The following B4GALT5 variants were observed in gnomAD, a reference collection of about 807,000 sequenced individuals.
The protein encoded by B4GALT5 is UDP-Gal:beta-GlcNAc beta-1,4-galactosyltransferase 5.
A neutral mutation model predicts 45.0 loss-of-function variants in B4GALT5; 11 were observed. That is an observed-to-expected ratio of 0.24 (90% CI 0.15 to 0.40). The LOEUF (loss-of-function observed/expected upper bound fraction) is 0.40. Among genes scored for constraint, B4GALT5 ranks in the 10% least tolerant of loss-of-function variants. The probability of loss-of-function intolerance (pLI) is 1.00; values close to 1 mark genes in which losing one functional copy is unlikely to be tolerated. For synonymous variants in B4GALT5, 185 were observed against 182.9 expected, an observed-to-expected ratio of 1.01 and a Z score of -0.09; for missense variants, 337 against 500.2, an observed-to-expected ratio of 0.67 and a Z score of 3.11.
chr20:49,652,283 A>C (rs1161503801), intron 2 of B4GALT5, among the ~76,000 whole-genome samples: 1 of 151,924 alleles, frequency 6.6e-6, no homozygotes, highest in African/African-American at 2.4e-5. Flanking sequence ...TCCAGTTGAG[A>C]AGGAATCGAA....
At chr20:49,668,733 C>T (rs965776396) in intron 1 of B4GALT5, among the ~76,000 whole-genome samples, 5 of 152,098 alleles carry the variant, frequency 3.3e-5, no homozygotes, top group African/African-American at 1.2e-4. Flanking sequence ...CGCACCCCCT[C>T]GTCCTAATCT....
At chr20:49,650,456 TAAAAAAAAAAA>T (rs141588605) in intron 2 of B4GALT5, among the ~76,000 whole-genome samples, 1 of 128,476 alleles carries the variant, frequency 7.8e-6, no homozygotes, top group African/African-American at 3.0e-5. Flanking sequence ...CCATCTCTGC[TAAAAAAAAAAA>T]AAAAAAAAAA....
At chr20:49,704,752 C>A (rs962146126) in intron 1 of B4GALT5, among the ~76,000 whole-genome samples, 1 of 151,566 alleles carries the variant, frequency 6.6e-6, no homozygotes, top group Non-Finnish European at 1.5e-5. Flanking sequence ...AAAAAAACCA[C>A]AACATTGCTG....
At position 49,636,241 on chromosome 20, in the gene B4GALT5, C is replaced by T; in HGVS notation, c.*71G>A. 2.0e-5 allele frequency: 31 copies of T among 1,565,228 alleles called. No individual in the cohort carries two copies. The highest frequency in any genetic ancestry group is 2.6e-5 in the Non-Finnish European group (30 of 1,146,370). On this transcript the variant is annotated 3_prime_UTR_variant, in exon 9 of 9. Coordinates refer to ENST00000371711, the MANE Select transcript of B4GALT5 (RefSeq NM_004776.4). The stretch of plus-strand genomic sequence containing the variant: ...TTCTCTTGCTGTGTAGACCCTCCCC[C>T]CTCCAAAAAAAAATCTCATCGGACT...
chr20:49,656,697 T>A lies in B4GALT5; in HGVS notation c.121A>T (p.Thr41Ser). Residue 41 changes from threonine to serine, a missense_variant, in exon 2 of 9, where the codon ACC becomes TCC. Thr to Ser is a moderately conservative substitution (Grantham distance 58). Around this residue, in one of 2 missense-constraint regions of B4GALT5, gnomAD observed 174 missense variants for 207.4 expected, o/e 0.84. Coordinates refer to ENST00000371711, the MANE Select transcript of B4GALT5 (RefSeq NM_004776.4). ...FVYVAPGIVN[T>S]YLFMMQAQGI... ...TGGGCTTGCATCATGAAGAGGTAGG[T>A]GTTCACTGCAGAAAGCAAAAAGGGG... 6.2e-7 allele frequency: 1 copy of A among 1,614,122 alleles called. No individual in the cohort carries two copies. Among genetic ancestry groups the A allele is most frequent in the Non-Finnish European group, 8.5e-7 (1 of 1,180,006 alleles).
intron 1 of B4GALT5, among the ~76,000 whole-genome samples, chr20:49,704,353 T>G (rs2085875138): frequency 6.6e-6 from 1 of 152,192 alleles, no homozygotes; most frequent in South Asian, 2.1e-4. Context: ...TATTTAAATA[T>G]CCTACAACTT....
rs1183708726 is a variant in B4GALT5 at position 49,633,940 on chromosome 20, G to C, written c.*2372C>G. ...AGGGACAAAGGCCCGGTGGGGGATG[G>C]GGGTTGCAGGGTGGAGGGGGGTCTT... is the stretch of plus-strand genomic sequence containing the variant. On this transcript the variant is annotated 3_prime_UTR_variant, in exon 9 of 9. Coordinates refer to ENST00000371711, the MANE Select transcript of B4GALT5 (RefSeq NM_004776.4). 6 of 152,594 alleles carry C rather than the reference G, an allele frequency of 3.9e-5. No individual in the cohort carries two copies. The highest frequency in any genetic ancestry group is 3.9e-4 in the Admixed American group (6 of 15,278). The allele number at this position is 152,594 out of a possible 1,614,324, so 9.5% of individuals were successfully genotyped here.
At chr20:49,707,063 C>T (rs2085887334) in intron 1 of B4GALT5, among the ~76,000 whole-genome samples, 1 of 152,052 alleles carries the variant, frequency 6.6e-6, no homozygotes, top group South Asian at 2.1e-4. Flanking sequence ...GGAGTTGATG[C>T]TGGAACAGAA....
intron 1 of B4GALT5, among the ~76,000 whole-genome samples, chr20:49,669,656 A>T (rs1167388271): frequency 2.0e-5 from 3 of 150,214 alleles, no homozygotes; most frequent in Non-Finnish European, 4.4e-5. Flanking sequence ...AGATCGCGCC[A>T]TTGCACTCCA....
chr20:49,663,452 A>T (rs1330407528), intron 1 of B4GALT5, among the ~76,000 whole-genome samples: 1 of 151,644 alleles, frequency 6.6e-6, no homozygotes, highest in Non-Finnish European at 1.5e-5. Flanking sequence ...ACAAAAAAAA[A>T]AACATAGGAA....
rs1191552800 is a variant in B4GALT5, at chr20:49,694,637, G to GAAGGGA, written c.115+18933_115+18938dup. On this transcript the variant is annotated intron_variant, in intron 1 of 8. Coordinates refer to ENST00000371711, the MANE Select transcript of B4GALT5 (RefSeq NM_004776.4). ...TGGTGACACAGCAAGGCCCTGCTGA[G>GAAGGGA]AAGGGAAAGGGAAAGGGAAAAGGAA... is the stretch of plus-strand genomic sequence containing the variant. Among the ~76,000 whole-genome samples, 216 of 116,902 alleles carry GAAGGGA rather than the reference G, an allele frequency of 1.8e-3. 1 individual carries two copies. The highest frequency in any genetic ancestry group is 6.6e-3 in the African/African-American group (206 of 31,400). The allele number at this position is 116,902 out of a possible 152,430, so 76.7% of individuals were successfully genotyped here. A position where few individuals can be genotyped will look rare whatever the true frequency, so the allele number is the denominator to read the frequency against.
chr20:49,665,996 G>A (rs2085688971), intron 1 of B4GALT5, among the ~76,000 whole-genome samples: 1 of 152,112 alleles, frequency 6.6e-6, no homozygotes, highest in African/African-American at 2.4e-5. Context: ...TATACTTGGG[G>A]TCTGAACTTG....
intron 1 of B4GALT5, among the ~76,000 whole-genome samples, chr20:49,695,270 C>T (rs1370871750): frequency 6.6e-6 from 1 of 151,936 alleles, no homozygotes; most frequent in East Asian, 1.9e-4. Context: ...AACACACAAC[C>T]CCCTACACAA....
At position 49,695,626 on chromosome 20, in the gene B4GALT5, G is replaced by A. The variant is rs536579940; in HGVS notation, c.115+17950C>T. Among the ~76,000 whole-genome samples the A allele has an allele frequency of 2.6e-5, 4 of 152,282 alleles. No individual in the cohort carries two copies. In the South Asian group the frequency reaches 8.3e-4, roughly 32 times the overall value. Reference sequence around the variant, plus strand: ...GGGTTTCACCACATTGGCCAGGCTGGTCTTGAACTCCCGACCTCAGGTGTT... The same window carrying A: ...GGGTTTCACCACATTGGCCAGGCTGATCTTGAACTCCCGACCTCAGGTGTT... On this transcript the variant is annotated intron_variant, in intron 1 of 8. Transcript: ENST00000371711.
chr20:49,693,291 C>T (rs2085824239), intron 1 of B4GALT5, among the ~76,000 whole-genome samples: 1 of 152,212 alleles, frequency 6.6e-6, no homozygotes, highest in South Asian at 2.1e-4. Flanking sequence ...ACACTGACTG[C>T]ATATGCTTGC....
chr20:49,644,824 T>TGCA (rs2085592438), intron 3 of B4GALT5, among the ~76,000 whole-genome samples: 1 of 152,244 alleles, frequency 6.6e-6, no homozygotes, highest in Non-Finnish European at 1.5e-5. Context: ...TCAAATACCA[T>TGCA]GCACGACTAT....
chr20:49,651,939 G>C (rs574130013), intron 2 of B4GALT5, among the ~76,000 whole-genome samples: 32 of 150,056 alleles, frequency 2.1e-4, no homozygotes, highest in Admixed American at 6.7e-4. Context: ...ATTAGCCGGG[G>C]GTGGTGGCAC....
chr20:49,702,345 G>A (rs1304588475), intron 1 of B4GALT5, among the ~76,000 whole-genome samples: 1 of 152,090 alleles, frequency 6.6e-6, no homozygotes, highest in Non-Finnish European at 1.5e-5. Flanking sequence ...GGCAGAAAAA[G>A]AATGGGCACA....
At chr20:49,673,243 G>A (rs1457710813) in intron 1 of B4GALT5, among the ~76,000 whole-genome samples, 1 of 152,090 alleles carries the variant, frequency 6.6e-6, no homozygotes, top group Non-Finnish European at 1.5e-5. Context: ...AGCTGGGCGT[G>A]GTGGTGGATG....
Sources: gnomAD v4.1 joint callset for allele counts (sites outside exome capture counted in the v4.1 genomes callset) on GRCh38, gnomAD v4.1.1 for gene constraint, gnomAD v4.1.1 regional missense constraint, MANE v1.5 for transcripts, NCBI Gene and HGNC (gene_info 2026-07-23, HGNC 2026-07-21) for gene names.